The following PTPRD variants were observed in gnomAD, a reference collection of about 807,000 sequenced individuals.
PTPRD encodes receptor-type tyrosine-protein phosphatase delta.
In PTPRD, 34 loss-of-function variants were observed where a neutral mutation model predicts 214.5. The observed-to-expected ratio is 0.16, with a 90% CI of 0.12 to 0.21. The LOEUF (loss-of-function observed/expected upper bound fraction) is 0.21, where lower values mean the gene tolerates loss of function less well. Ranked by LOEUF, PTPRD falls within the 10% of genes least tolerant of loss-of-function variation. The pLI is 1.00. For missense variants in PTPRD, 2,545 were observed against 2,398.7 expected (o/e 1.06, Z -1.27); for synonymous variants, 1,128 against 845.7 (o/e 1.33, Z -5.79).
rs1044154968 is a variant in PTPRD, at chr9:8,393,713, G to A, written c.4211-4306C>T. On this transcript the variant is annotated intron_variant, in intron 36 of 45. Coordinates refer to ENST00000381196, the MANE Select transcript of PTPRD (RefSeq NM_002839.4). Reference sequence around the variant, plus strand: ...CATGTGCATTCTCTAATTAATAACAGTGATGTCAATAGTTGTAACCCCATA... The same window carrying A: ...CATGTGCATTCTCTAATTAATAACAATGATGTCAATAGTTGTAACCCCATA... Among the ~76,000 whole-genome samples the A allele has an allele frequency of 2.2e-4, 34 of 151,992 alleles. 2 individuals are homozygous for A. Among genetic ancestry groups the A allele is most frequent in the Non-Finnish European group, 1.5e-5 (1 of 67,990 alleles).
At chr9:9,335,274 A>G (rs1452520423) in intron 9 of PTPRD, among the ~76,000 whole-genome samples, 2 of 152,078 alleles carry the variant, frequency 1.3e-5, no homozygotes, top group African/African-American at 4.8e-5. Flanking sequence ...ATTACTCATC[A>G]CCAATCTGAT....
intron 10 of PTPRD, among the ~76,000 whole-genome samples, chr9:9,094,640 C>A (rs1233211340): frequency 6.6e-6 from 1 of 151,810 alleles, no homozygotes; most frequent in Non-Finnish European, 1.5e-5. Context: ...ATCCATGTAA[C>A]AAAAAACCAC....
intron 7 of PTPRD, among the ~76,000 whole-genome samples, chr9:9,578,029 G>A (rs1291570732): frequency 9.3e-6 from 1 of 106,992 alleles, no homozygotes; most frequent in African/African-American, 3.6e-5. Context: ...CTTGGTGACA[G>A]AGTAAGACTC....
chr9:10,266,071 T>A (rs1282364051), intron 3 of PTPRD, among the ~76,000 whole-genome samples: 1 of 152,190 alleles, frequency 6.6e-6, no homozygotes, highest in Non-Finnish European at 1.5e-5. Context: ...AATACCTTTT[T>A]CATGGCCCTA....
At chr9:9,071,727 A>T (rs142747337) in intron 10 of PTPRD, among the ~76,000 whole-genome samples, 22 of 152,324 alleles carry the variant, frequency 1.4e-4, no homozygotes, top group African/African-American at 5.3e-4. Context: ...ATACATGACC[A>T]TGTAAGATCT....
At chr9:9,756,207 T>TGA (rs531823224) in intron 6 of PTPRD, among the ~76,000 whole-genome samples, 253 of 152,218 alleles carry the variant, frequency 1.7e-3, no homozygotes, top group Non-Finnish European at 3.2e-3. Flanking sequence ...ATTCTAACTC[T>TGA]GAGTCTTCTG....
chr9:9,833,682 G>T (rs113690076), intron 5 of PTPRD, among the ~76,000 whole-genome samples: 5 of 89,264 alleles, frequency 5.6e-5, no homozygotes, highest in African/African-American at 3.4e-4. Flanking sequence ...ACGCTCCGGA[G>T]AGGGGGGCAG....
chr9:10,312,853 T>C (rs778139421), intron 3 of PTPRD, among the ~76,000 whole-genome samples: 1 of 151,960 alleles, frequency 6.6e-6, no homozygotes, highest in African/African-American at 2.4e-5. Context: ...AAGTTTGAAA[T>C]GTAATTTTAT....
chr9:8,919,364 C>T (rs1336272956), intron 11 of PTPRD, among the ~76,000 whole-genome samples: 1 of 148,206 alleles, frequency 6.7e-6, no homozygotes, highest in Non-Finnish European at 1.5e-5. Context: ...TGGATTCCAG[C>T]CTGTGGGACA....
chr9:8,350,193 C>T (rs774488742), intron 39 of PTPRD, among the ~76,000 whole-genome samples: 3 of 152,102 alleles, frequency 2.0e-5, no homozygotes, highest in Non-Finnish European at 2.9e-5. Flanking sequence ...CATACAGGGA[C>T]TGTTTTATGC....
intron 3 of PTPRD, among the ~76,000 whole-genome samples, chr9:10,230,104 G>A (rs1384445870): frequency 6.6e-5 from 10 of 151,916 alleles, no homozygotes; most frequent in Admixed American, 5.3e-4. Context: ...TACTTTTAAG[G>A]TGAGGATAGT....
intron 2 of PTPRD, among the ~76,000 whole-genome samples, chr9:10,406,137 C>T (rs537192684): frequency 3.3e-5 from 5 of 151,032 alleles, no homozygotes; most frequent in Middle Eastern, 3.6e-3. Context: ...AATATTTTCT[C>T]GGCTAGAGAA....
At chr9:8,381,724 G>C (rs577855686) in intron 37 of PTPRD, among the ~76,000 whole-genome samples, 1 of 152,190 alleles carries the variant, frequency 6.6e-6, no homozygotes, top group South Asian at 2.1e-4. Context: ...CCAGTTCATT[G>C]AACCATTCGC....
chr9:9,961,202 A>G (rs1055311013), intron 4 of PTPRD, among the ~76,000 whole-genome samples: 10 of 152,132 alleles, frequency 6.6e-5, no homozygotes, highest in African/African-American at 2.4e-4. Flanking sequence ...AAGCAGATAC[A>G]TACTCTTTCC....
intron 3 of PTPRD, among the ~76,000 whole-genome samples, chr9:10,082,479 G>A (rs1308875448): frequency 1.3e-5 from 2 of 152,000 alleles, no homozygotes; most frequent in African/African-American, 4.8e-5. Flanking sequence ...TACAGGATTT[G>A]ACAGCAAACA....
At chr9:9,968,727 A>AAAC (rs959064771) in intron 4 of PTPRD, among the ~76,000 whole-genome samples, 1 of 152,266 alleles carries the variant, frequency 6.6e-6, no homozygotes, top group Admixed American at 6.5e-5. Context: ...TAGGTCACAG[A>AAAC]AACAACAACA....
At chr9:9,058,277 T>C (rs115826544) in intron 10 of PTPRD, among the ~76,000 whole-genome samples, 2,939 of 148,230 alleles carry the variant, frequency 0.02, 79 homozygotes, top group African/African-American at 0.067. Context: ...CAGTGTCTTA[T>C]GCAATGTCAC....
At chr9:8,668,871 G>C (rs2097220566) in intron 12 of PTPRD, among the ~76,000 whole-genome samples, 1 of 152,158 alleles carries the variant, frequency 6.6e-6, no homozygotes, top group Admixed American at 6.5e-5. Context: ...CAGTGAGCAA[G>C]CCAGAAGCTT....
chr9:9,942,724 G>T (rs1324485014), intron 4 of PTPRD, among the ~76,000 whole-genome samples: 1 of 152,064 alleles, frequency 6.6e-6, no homozygotes, highest in Non-Finnish European at 1.5e-5. Context: ...AAGGTAGTTT[G>T]AGCATGTTTT....
Sources: gnomAD v4.1 joint callset for allele counts (sites outside exome capture counted in the v4.1 genomes callset) on GRCh38, gnomAD v4.1.1 for gene constraint, MANE v1.5 for transcripts, NCBI Gene and HGNC (gene_info 2026-07-23, HGNC 2026-07-21) for gene names.